The following INPP4B variants were observed in gnomAD, a reference collection of about 807,000 sequenced individuals.
INPP4B encodes the protein inositol polyphosphate 4-phosphatase type II.
A neutral mutation model predicts 122.5 loss-of-function variants in INPP4B; 55 were observed. That is an observed-to-expected ratio of 0.45 (90% CI 0.36 to 0.56). INPP4B has a LOEUF of 0.56. Among genes scored for constraint, INPP4B ranks in the 20% least tolerant of loss-of-function variants. INPP4B has a pLI of 0.00. For synonymous variants in INPP4B, 403 were observed against 388.7 expected (o/e 1.04, Z -0.43); for missense variants, 1,000 against 1,097.7 (o/e 0.91, Z 1.26).
At chr4:142,161,639 T>C (rs1364077131) in intron 16 of INPP4B, among the ~76,000 whole-genome samples, 2 of 151,936 alleles carry the variant, frequency 1.3e-5, no homozygotes, top group Admixed American at 1.3e-4. Flanking sequence ...GCCTAACTAG[T>C]AGTCACTAAA....
At chr4:142,322,291 A>T (rs1453202627) in intron 7 of INPP4B, among the ~76,000 whole-genome samples, 1 of 152,218 alleles carries the variant, frequency 6.6e-6, no homozygotes, top group African/African-American at 2.4e-5. Flanking sequence ...ATCTAAAAAA[A>T]AAACTAGGCA....
chr4:142,761,170 A>ATTTT (rs34074117), intron 1 of INPP4B, among the ~76,000 whole-genome samples: 3 of 145,890 alleles, frequency 2.1e-5, no homozygotes, highest in African/African-American at 7.5e-5. Context: ...AAAATAAGCA[A>ATTTT]TTTTTTTTTT....
intron 5 of INPP4B, among the ~76,000 whole-genome samples, chr4:142,424,347 T>C (rs575524632): frequency 1.3e-5 from 2 of 152,192 alleles, no homozygotes; most frequent in South Asian, 2.1e-4. Context: ...ATGCCATTTT[T>C]CTTCTTCAGT....
At chr4:142,094,964 T>C (rs573343262) in intron 23 of INPP4B, among the ~76,000 whole-genome samples, 4 of 152,324 alleles carry the variant, frequency 2.6e-5, no homozygotes, top group South Asian at 4.1e-4. Context: ...AAACCTATAA[T>C]TTATTCCATT....
chr4:142,800,454 A>G (rs1251282643), intron 1 of INPP4B, among the ~76,000 whole-genome samples: 1 of 152,134 alleles, frequency 6.6e-6, no homozygotes, highest in African/African-American at 2.4e-5. Context: ...TGATTTTTGC[A>G]TGGCATCAAG....
chr4:142,329,265 T>C (rs1437984757), intron 7 of INPP4B, among the ~76,000 whole-genome samples: 3 of 152,216 alleles, frequency 2.0e-5, no homozygotes, highest in Non-Finnish European at 4.4e-5. Flanking sequence ...GATTCAGACC[T>C]GCATAACGCA....
intron 16 of INPP4B, among the ~76,000 whole-genome samples, chr4:142,166,705 C>T (rs1322506063): frequency 6.6e-6 from 1 of 150,698 alleles, no homozygotes; most frequent in Non-Finnish European, 1.5e-5. Context: ...AAAAAAAAAA[C>T]AACCACATTA....
At chr4:142,827,753 T>C (rs1781622322) in intron 1 of INPP4B, among the ~76,000 whole-genome samples, 1 of 152,220 alleles carries the variant, frequency 6.6e-6, no homozygotes, top group Admixed American at 6.5e-5. Flanking sequence ...AATCATTTTC[T>C]GTTGAGACAC....
chr4:142,249,922 C>T (rs1199557834), intron 11 of INPP4B, among the ~76,000 whole-genome samples: 1 of 152,110 alleles, frequency 6.6e-6, no homozygotes, highest in Non-Finnish European at 1.5e-5. Flanking sequence ...ACCTCACCTC[C>T]AATAGAAAAT....
chr4:142,722,098 A>G (rs1249416358), intron 2 of INPP4B, among the ~76,000 whole-genome samples: 1 of 152,130 alleles, frequency 6.6e-6, no homozygotes, highest in African/African-American at 2.4e-5. Context: ...ATGATATCAA[A>G]TTATATATAT....
intron 2 of INPP4B, among the ~76,000 whole-genome samples, chr4:142,682,943 T>C (rs1020638051): frequency 6.6e-6 from 1 of 151,984 alleles, no homozygotes; most frequent in Non-Finnish European, 1.5e-5. Flanking sequence ...TTATATATTA[T>C]GTATATGCAT....
intron 2 of INPP4B, among the ~76,000 whole-genome samples, chr4:142,645,831 A>T (rs1751659596): frequency 6.6e-6 from 1 of 152,200 alleles, no homozygotes; most frequent in African/African-American, 2.4e-5. Context: ...TACTGTAAGC[A>T]TTGACTCATC....
chr4:142,789,219 G>T (rs2151057653), intron 1 of INPP4B, among the ~76,000 whole-genome samples: 1 of 152,188 alleles, frequency 6.6e-6, no homozygotes, highest in South Asian at 2.1e-4. Context: ...AAACAGTACT[G>T]GAAGTCCTGC....
intron 7 of INPP4B, among the ~76,000 whole-genome samples, chr4:142,334,876 T>C (rs938037306): frequency 2.6e-5 from 4 of 152,094 alleles, no homozygotes; most frequent in Non-Finnish European, 4.4e-5. Flanking sequence ...TAGCCACTTA[T>C]CAGATACATG....
At chr4:142,173,867 T>C (rs1826734787) in intron 15 of INPP4B, 58 bp from the exon 16 acceptor site, 1 of 1,311,676 alleles carries the variant, frequency 7.6e-7, no homozygotes, top group East Asian at 2.3e-5. Context: ...GTTCAGCCCT[T>C]AATATCAGAT....
At chr4:142,334,733 G>A (rs1196863268) in intron 7 of INPP4B, among the ~76,000 whole-genome samples, 1 of 151,878 alleles carries the variant, frequency 6.6e-6, no homozygotes, top group Non-Finnish European at 1.5e-5. Flanking sequence ...TATACCTTTG[G>A]CCATTTCTAT....
chr4:142,649,760 G>A (rs1752547071), intron 2 of INPP4B, among the ~76,000 whole-genome samples: 2 of 152,162 alleles, frequency 1.3e-5, no homozygotes, highest in Admixed American at 6.5e-5. Flanking sequence ...TGAAAGTGAT[G>A]GGGAGAATGG....
intron 2 of INPP4B, among the ~76,000 whole-genome samples, chr4:142,519,138 A>G (rs1446909638): frequency 6.6e-6 from 1 of 152,158 alleles, no homozygotes; most frequent in Admixed American, 6.6e-5. Context: ...AGTCCTCCGT[A>G]TAGGAGCACA....
intron 25 of INPP4B, among the ~76,000 whole-genome samples, chr4:142,055,527 T>A (rs1908924): frequency 0.81 from 123,604 of 151,888 alleles, 52,437 homozygotes; most frequent in Non-Finnish European, 0.92. Flanking sequence ...ATTCTTAAAA[T>A]TACTACAAAA....
Sources: gnomAD v4.1 joint callset for allele counts (sites outside exome capture counted in the v4.1 genomes callset) on GRCh38, gnomAD v4.1.1 for gene constraint, MANE v1.5 for transcripts, NCBI Gene and HGNC (gene_info 2026-07-23, HGNC 2026-07-21) for gene names.